The following NRXN1 variants were observed in gnomAD, a reference collection of about 807,000 sequenced individuals.
NRXN1 encodes neurexin 1, also known as neurexin-1.
A neutral mutation model predicts 150.9 loss-of-function variants in NRXN1; 39 were observed. That is an observed-to-expected ratio of 0.26 (90% confidence interval 0.20 to 0.34). NRXN1 has a LOEUF of 0.34. Ranked by LOEUF, NRXN1 falls within the 10% of genes least tolerant of loss-of-function variation. The pLI is 1.00. For missense variants in NRXN1, 1,815 were observed against 1,949.9 expected (o/e 0.93, Z 1.30); for synonymous variants, 924 against 757.0 (o/e 1.22, Z -3.62).
At chr2:50,298,788 T>C (rs1334616167) in intron 17 of NRXN1, among the ~76,000 whole-genome samples, 2 of 152,222 alleles carry the variant, frequency 1.3e-5, no homozygotes, top group Non-Finnish European at 2.9e-5. Flanking sequence ...GTAGCTTAGT[T>C]GTCTGTGGAT....
chr2:50,306,365 CA>C (rs2074609937), intron 17 of NRXN1, among the ~76,000 whole-genome samples: 2 of 152,190 alleles, frequency 1.3e-5, no homozygotes, highest in Non-Finnish European at 2.9e-5. Context: ...CCTAAGAAAA[CA>C]ACTATTCCTT....
rs959337996 is a variant in NRXN1, at chr2:50,997,366, AAAAC to A, written c.772+30132_772+30135del. ...GGGCAACAGAGTAAGACCATATTTG[AAAAC>A]AAACAAACAAACAAAAAAAGATACT... On this transcript the variant is annotated intron_variant, in intron 2 of 22. Coordinates refer to ENST00000401669, the MANE Select transcript of NRXN1 (RefSeq NM_001330078.2). Among the ~76,000 whole-genome samples, 113 of 152,152 alleles carry A rather than the reference AAAAC, an allele frequency of 7.4e-4. 1 individual carries two copies. Among genetic ancestry groups the A allele is most frequent in the Middle Eastern group, 3.4e-3 (1 of 294 alleles).
intron 18 of NRXN1, among the ~76,000 whole-genome samples, chr2:50,128,457 C>T (rs1704937813): frequency 6.6e-6 from 1 of 152,104 alleles, no homozygotes; most frequent in East Asian, 1.9e-4. Flanking sequence ...CACCTCATTA[C>T]CTTTTGGCAA....
intron 5 of NRXN1, among the ~76,000 whole-genome samples, chr2:50,877,296 GAT>G (rs1330558370): frequency 6.6e-6 from 1 of 151,772 alleles, no homozygotes; most frequent in Non-Finnish European, 1.5e-5. Context: ...GTTAAACAAA[GAT>G]AGAGAACATC....
intron 22 of NRXN1, among the ~76,000 whole-genome samples, chr2:49,933,585 C>G (rs757079604): frequency 1.7e-4 from 26 of 152,080 alleles, no homozygotes; most frequent in Non-Finnish European, 3.5e-4. Flanking sequence ...TTTTGAGTGA[C>G]AGTTTGCAGT....
chr2:51,028,278 G>T lies in NRXN1; in HGVS notation c.-5C>A, dbSNP rs776472584. ...CTGGAGCAGCGCCGTCCCCATGCTCGGGGCTGGGGTGCGGCGGGGGGGTGC... is the reference window on the plus strand; with the variant it reads ...CTGGAGCAGCGCCGTCCCCATGCTCTGGGCTGGGGTGCGGCGGGGGGGTGC... On this transcript the variant is annotated 5_prime_UTR_variant, in exon 2 of 23. Coordinates refer to ENST00000401669, the MANE Select transcript of NRXN1 (RefSeq NM_001330078.2). 3 of 1,435,838 alleles carry T rather than the reference G, an allele frequency of 2.1e-6. No homozygotes were observed. Among genetic ancestry groups the T allele is most frequent in the Non-Finnish European group, 2.7e-6 (3 of 1,099,836 alleles). The allele number at this position is 1,435,838 out of a possible 1,614,324, so 88.9% of individuals were successfully genotyped here. A position where few individuals can be genotyped will look rare whatever the true frequency, so the allele number is the denominator to read the frequency against.
At chr2:50,558,937 C>T (rs113434215) in intron 8 of NRXN1, among the ~76,000 whole-genome samples, 4,063 of 152,064 alleles carry the variant, frequency 0.027, 80 homozygotes, top group Middle Eastern at 0.11. Flanking sequence ...AGAAAATTAG[C>T]CGGGTGTGGT....
chr2:50,055,288 A>C (rs1229033997), intron 19 of NRXN1, among the ~76,000 whole-genome samples: 1 of 152,172 alleles, frequency 6.6e-6, no homozygotes. Flanking sequence ...AGGTTATTAA[A>C]CTTATGTTAT....
chr2:50,826,133 G>A (rs1397745771), intron 5 of NRXN1, among the ~76,000 whole-genome samples: 1 of 152,186 alleles, frequency 6.6e-6, no homozygotes, highest in African/African-American at 2.4e-5. Context: ...ATGTGGTTGA[G>A]AGGGACTGGG....
chr2:50,012,292 A>T (rs1685823779), intron 21 of NRXN1, among the ~76,000 whole-genome samples: 1 of 152,168 alleles, frequency 6.6e-6, no homozygotes, highest in African/African-American at 2.4e-5. Context: ...AGATAATACT[A>T]TTATAACTGC....
chr2:50,640,512 T>C lies in NRXN1; in HGVS notation c.833-16897A>G, dbSNP rs1368863780. On this transcript the variant is annotated intron_variant, in intron 5 of 22. Coordinates refer to ENST00000401669, the MANE Select transcript of NRXN1 (RefSeq NM_001330078.2). ...TCTTCCTCCCCTTTCCCAATTAATATATGCTTAGATGTTACATTATCAGAC... is the reference window on the plus strand; with the variant it reads ...TCTTCCTCCCCTTTCCCAATTAATACATGCTTAGATGTTACATTATCAGAC... Among the ~76,000 whole-genome samples the C allele has an allele frequency of 3.9e-5, 6 of 152,180 alleles. No homozygotes were observed. The East Asian group carries it at 7.7e-4, about 20-fold the overall frequency.
chr2:50,234,584 C>A (rs2065250234), intron 18 of NRXN1, among the ~76,000 whole-genome samples: 1 of 152,052 alleles, frequency 6.6e-6, no homozygotes, highest in South Asian at 2.1e-4. Flanking sequence ...ATCACCTCTT[C>A]TAGGCAATGG....
At chr2:50,470,995 T>A (rs2089402816) in intron 16 of NRXN1, among the ~76,000 whole-genome samples, 1 of 151,874 alleles carries the variant, frequency 6.6e-6, no homozygotes, top group Admixed American at 6.6e-5. Context: ...GGATACAGTG[T>A]TTCTGCCAGG....
intron 22 of NRXN1, among the ~76,000 whole-genome samples, chr2:49,933,299 G>A (rs1670461663): frequency 6.6e-6 from 1 of 152,032 alleles, no homozygotes; most frequent in Non-Finnish European, 1.5e-5. Flanking sequence ...TGTTAGCCAG[G>A]ATGGTCTCGA....
At chr2:49,969,791 T>C (rs796725839) in intron 21 of NRXN1, 33 of 152,192 alleles carry the variant, frequency 2.2e-4, no homozygotes, top group African/African-American at 7.2e-4. Flanking sequence ...ACTTGAACGA[T>C]GTTAAGTCAG....
chr2:50,412,326 A>G (rs9712001), intron 17 of NRXN1, among the ~76,000 whole-genome samples: 36,076 of 136,086 alleles, frequency 0.27, 5,666 homozygotes, highest in African/African-American at 0.49. Context: ...AAAAAAATAA[A>G]TAAAAAATAA....
chr2:50,479,935 G>A (rs369637574), intron 15 of NRXN1, among the ~76,000 whole-genome samples: 6 of 151,870 alleles, frequency 4.0e-5, no homozygotes, highest in African/African-American at 1.2e-4. Flanking sequence ...CATTACACCC[G>A]GCTAACTTCT....
chr2:50,946,321 C>A (rs1690383559), intron 2 of NRXN1, among the ~76,000 whole-genome samples: 2 of 152,096 alleles, frequency 1.3e-5, no homozygotes. Flanking sequence ...AACACTTACA[C>A]CTATTTCAGA....
chr2:49,992,662 G>T (rs1246122841), intron 21 of NRXN1, among the ~76,000 whole-genome samples: 3 of 151,994 alleles, frequency 2.0e-5, no homozygotes, highest in African/African-American at 7.2e-5. Flanking sequence ...AAAAATACTT[G>T]CAAAAGACCT....
Sources: allele counts gnomAD v4.1 joint callset (sites outside exome capture counted in the v4.1 genomes callset), GRCh38; gene constraint gnomAD v4.1.1; transcripts MANE v1.5; gene names NCBI Gene and HGNC (gene_info 2026-07-23, HGNC 2026-07-21).